The following ZYG11B variants were observed in gnomAD, a reference collection of about 807,000 sequenced individuals.
ZYG11B encodes protein zyg-11 homolog B.
ZYG11B carries 36 observed loss-of-function variants against 82.4 expected under a neutral mutation model. The ratio of observed to expected loss-of-function variants is 0.44; its 90% CI spans 0.33 to 0.58. ZYG11B has a LOEUF of 0.58. Among genes scored for constraint, ZYG11B ranks in the 20% least tolerant of loss-of-function variants. The probability of loss-of-function intolerance (pLI) is 0.02; values close to 1 mark genes in which losing one functional copy is unlikely to be tolerated. For synonymous variants in ZYG11B, 303 were observed against 312.8 expected (o/e 0.97, Z 0.33); for missense variants, 552 against 895.6 (o/e 0.62, Z 4.90).
At chr1:52,745,481 C>T (rs770412173) in intron 1 of ZYG11B, among the ~76,000 whole-genome samples, 4 of 152,234 alleles carry the variant, frequency 2.6e-5, no homozygotes, top group Middle Eastern at 6.8e-3. Context: ...TTCATACTTA[C>T]TTCTTACTCA....
intron 12 of ZYG11B, among the ~76,000 whole-genome samples, chr1:52,814,184 C>A (rs1645205759): frequency 6.6e-6 from 1 of 152,086 alleles, no homozygotes; most frequent in Non-Finnish European, 1.5e-5. Context: ...CCACGCCCCG[C>A]TAATTTTTGT....
At chr1:52,803,133 T>TATATATATATATAC (rs1237953935) in intron 10 of ZYG11B, among the ~76,000 whole-genome samples, 1 of 65,332 alleles carries the variant, frequency 1.5e-5, no homozygotes, top group Non-Finnish European at 2.4e-5. Context: ...CATATATATA[T>TATATATATATATAC]ACACACATAT....
At chr1:52,768,478 T>G (rs779132359) in intron 2 of ZYG11B, among the ~76,000 whole-genome samples, 2 of 152,194 alleles carry the variant, frequency 1.3e-5, no homozygotes, top group Admixed American at 1.3e-4. Flanking sequence ...CTATTTCTTA[T>G]GTTCAAGCAA....
At chr1:52,818,944 C>T (rs1645257790) in intron 13 of ZYG11B, among the ~76,000 whole-genome samples, 1 of 152,016 alleles carries the variant, frequency 6.6e-6, no homozygotes, top group Non-Finnish European at 1.5e-5. Flanking sequence ...CAGGAACACG[C>T]CACCATGCCC....
In ZYG11B at chr1:52,825,681, G is replaced by A. The variant is rs1645319171; in HGVS notation, c.*4052G>A. The A allele has an allele frequency of 6.8e-6, 1 of 147,660 alleles. No individual in the cohort carries two copies. The highest frequency in any genetic ancestry group is 2.5e-5 in the African/African-American group (1 of 40,086). The allele number at this position is 147,660 out of a possible 1,614,324, so 9.1% of individuals were successfully genotyped here. ...AAAAAAAAAAAAAAAAAAAGCGAGA[G>A]AGAGAGATGGTGTCTCACTGTGTTG... On this transcript the variant is annotated 3_prime_UTR_variant, in exon 14 of 14. Transcript: ENST00000294353.
Position 52,777,929 on chromosome 1 carries a change from CA to C in ZYG11B, c.952-1921del, listed in dbSNP as rs558773400. Among the ~76,000 whole-genome samples the C allele has an allele frequency of 4.0e-3, 612 of 152,164 alleles. 7 individuals carry two copies. The highest frequency in any genetic ancestry group is 0.014 in the African/African-American group (562 of 41,516). ...ACTTTATTGTAAAATAAAACAGAGA[CA>C]AAGGCAGTAAATAATTATATAGCTT... On this transcript the variant is annotated intron_variant, in intron 3 of 13. Transcript: ENST00000294353.
intron 13 of ZYG11B, among the ~76,000 whole-genome samples, chr1:52,819,637 A>T (rs1314926147): frequency 6.6e-6 from 1 of 151,878 alleles, no homozygotes; most frequent in Non-Finnish European, 1.5e-5. Flanking sequence ...AATACAAAAA[A>T]TTAGCTGTGG....
rs1479172569 is a variant in ZYG11B, at chr1:52,771,936, C to T, written c.951+162C>T. Among the ~76,000 whole-genome samples, 1 of 152,082 alleles carries T rather than the reference C, an allele frequency of 6.6e-6. No homozygotes were observed. The highest frequency in any genetic ancestry group is 1.5e-5 in the Non-Finnish European group (1 of 68,022). ...CCTAATTAAAATCTCAGCTTCATGA[C>T]CCAGAACAAGCTATGATGTCACTTC... On this transcript the variant is annotated intron_variant, in intron 3 of 13. Coordinates refer to ENST00000294353, the MANE Select transcript of ZYG11B (RefSeq NM_024646.3). The surrounding 1 kb of genome is among the most constrained non-coding windows in gnomAD (Gnocchi z 5.4).
chr1:52,768,144 G>A (rs1465605929), intron 2 of ZYG11B, among the ~76,000 whole-genome samples: 1 of 152,134 alleles, frequency 6.6e-6, no homozygotes, highest in Non-Finnish European at 1.5e-5. Flanking sequence ...AGCAGTTACT[G>A]TCTACTAGCT....
chr1:52,803,185 TATAC>T lies in ZYG11B; in HGVS notation c.1695+1048_1695+1051del, dbSNP rs1182962501. Among the ~76,000 whole-genome samples the T allele has an allele frequency of 9.2e-5, 7 of 76,392 alleles. 1 individual carries two copies. The highest frequency in any genetic ancestry group is 3.5e-3 in the East Asian group (2 of 564). The allele number at this position is 76,392 out of a possible 152,430, so 50.1% of individuals were successfully genotyped here. A position where few individuals can be genotyped will look rare whatever the true frequency, so the allele number is the denominator to read the frequency against. On this transcript the variant is annotated intron_variant, in intron 10 of 13. Coordinates refer to ENST00000294353, the MANE Select transcript of ZYG11B (RefSeq NM_024646.3). The stretch of plus-strand genomic sequence containing the variant: ...ATATATATACACACATATATATATA[TATAC>T]ACATATATATATATACACACACATA...
At chr1:52,746,160 C>G (rs1476891297) in intron 1 of ZYG11B, among the ~76,000 whole-genome samples, 1 of 152,002 alleles carries the variant, frequency 6.6e-6, no homozygotes. Flanking sequence ...CGGGGTTTCA[C>G]TGTGTTAGCC....
At chr1:52,736,913 A>G (rs972962206) in intron 1 of ZYG11B, among the ~76,000 whole-genome samples, 2 of 151,930 alleles carry the variant, frequency 1.3e-5, no homozygotes, top group African/African-American at 2.4e-5. Context: ...GTAGTATACT[A>G]GGACCTTTAT....
At chr1:52,768,116 C>T (rs1331381504) in intron 2 of ZYG11B, among the ~76,000 whole-genome samples, 1 of 152,096 alleles carries the variant, frequency 6.6e-6, no homozygotes, top group South Asian at 2.1e-4. Context: ...TTTTTTCTGT[C>T]GTGTTTGGCT....
At chr1:52,802,530 T>C (rs1449156392) in intron 10 of ZYG11B, among the ~76,000 whole-genome samples, 1 of 151,562 alleles carries the variant, frequency 6.6e-6, no homozygotes, top group Admixed American at 6.6e-5. Context: ...TTTGTATTTT[T>C]TGTAGAGATG....
At position 52,825,886 on chromosome 1, in the gene ZYG11B, CAT is replaced by C. The variant is rs940519481; in HGVS notation, c.*4260_*4261del. 19 of 152,062 alleles carry C rather than the reference CAT, an allele frequency of 1.2e-4. No homozygotes were observed. The highest frequency in any genetic ancestry group is 1.2e-3 in the Admixed American group (19 of 15,252). The allele number at this position is 152,062 out of a possible 1,614,324, so 9.4% of individuals were successfully genotyped here. A position where few individuals can be genotyped will look rare whatever the true frequency, so the allele number is the denominator to read the frequency against. The stretch of plus-strand genomic sequence containing the variant: ...TCCTATCCCATATGTTTAATGAAAA[CAT>C]ATTTTATGTGCTAAATTAGGTTAAT... On this transcript the variant is annotated 3_prime_UTR_variant, in exon 14 of 14. Transcript: ENST00000294353.
intron 12 of ZYG11B, among the ~76,000 whole-genome samples, chr1:52,815,450 G>T (rs1380985536): frequency 2.0e-5 from 3 of 151,938 alleles, no homozygotes; most frequent in Admixed American, 2.0e-4. Flanking sequence ...GTGAGACCCC[G>T]TCTCTACAAA....
At position 52,752,376 on chromosome 1, in the gene ZYG11B, CT is replaced by C. The variant is rs1398543621; in HGVS notation, c.31-4081del. Among the ~76,000 whole-genome samples the C allele has an allele frequency of 2.6e-5, 4 of 152,338 alleles. No homozygotes were observed. The East Asian group carries it at 7.7e-4, about 29-fold the overall frequency. On this transcript the variant is annotated intron_variant, in intron 1 of 13. Transcript: ENST00000294353. ...TCCTCCAGCACACCCTACCCCACCC[CT>C]AGCACTTCAATGTGTGCAGCAGCCT...
At chr1:52,740,419 G>A (rs1451300119) in intron 1 of ZYG11B, among the ~76,000 whole-genome samples, 1 of 152,076 alleles carries the variant, frequency 6.6e-6, no homozygotes, top group Non-Finnish European at 1.5e-5. Context: ...TTTTCAATTT[G>A]TCATCTAGGA....
chr1:52,799,558 G>A (rs1239715893), intron 8 of ZYG11B, among the ~76,000 whole-genome samples: 2 of 151,538 alleles, frequency 1.3e-5, no homozygotes, highest in African/African-American at 2.4e-5. Flanking sequence ...GGGAGGTTGA[G>A]GTGGGCGGAT....
Sources: gnomAD v4.1 joint callset for allele counts (sites outside exome capture counted in the v4.1 genomes callset) on GRCh38, gnomAD v4.1.1 for gene constraint, Gnocchi (gnomAD v3.1) non-coding constraint, MANE v1.5 for transcripts, NCBI Gene and HGNC (gene_info 2026-07-23, HGNC 2026-07-21) for gene names.